The following PRR16 variants were observed in gnomAD, a reference collection of about 807,000 sequenced individuals.
PRR16 encodes the protein proline rich 16, also known as protein Largen.
In PRR16, 6 loss-of-function variants were observed where a neutral mutation model predicts 18.2. The observed-to-expected ratio is 0.33, with a 90% confidence interval of 0.18 to 0.65. The LOEUF (loss-of-function observed/expected upper bound fraction) is 0.65, where lower values mean the gene tolerates loss of function less well. Among genes scored for constraint, PRR16 ranks in the 30% least tolerant of loss-of-function variants. PRR16 has a pLI of 0.74. For missense variants in PRR16, 412 were observed against 376.6 expected (o/e 1.09, Z -0.78); for synonymous variants, 151 against 147.8 (o/e 1.02, Z -0.16).
chr5:120,750,206 C>T, the PRR16 span, among the ~76,000 whole-genome samples: 1 of 151,886 alleles, frequency 6.6e-6, no homozygotes, highest in Non-Finnish European at 1.5e-5. Context: ...TATATTCAGC[C>T]TCAGTCATTT....
intron 1 of PRR16, among the ~76,000 whole-genome samples, chr5:120,677,901 C>CTTTCT (rs1561611483): frequency 2.6e-5 from 2 of 75,906 alleles, no homozygotes; most frequent in Non-Finnish European, 2.6e-5. Context: ...TTTTCTTTTT[C>CTTTCT]TTTCTTTTTT....
chr5:120,686,057 C>T lies in PRR16; in HGVS notation c.263C>T (p.Thr88Ile). 1 of 1,614,118 alleles carries T rather than the reference C, an allele frequency of 6.2e-7. No individual in the cohort carries two copies. Among genetic ancestry groups the T allele is most frequent in the Non-Finnish European group, 8.5e-7 (1 of 1,180,014 alleles). The change falls in exon 2 of 2, where the codon ACA becomes ATA. Residue 88 changes from threonine to isoleucine, a missense_variant. Coordinates refer to ENST00000407149, the MANE Select transcript of PRR16 (RefSeq NM_001300783.2). ...DTLNSSSSGT[T>I]ASSLEKIKVQ... ...CTGAATAGTAGCTCAAGTGGCACAA[C>T]AGCCTCCAGCCTAGAGAAGATCAAA...
At chr5:120,786,568 A>T in the PRR16 span, among the ~76,000 whole-genome samples, 1 of 149,072 alleles carries the variant, frequency 6.7e-6, no homozygotes, top group Non-Finnish European at 1.5e-5. Flanking sequence ...TATTTTATAA[A>T]ATATATTTCA....
intron 1 of PRR16, among the ~76,000 whole-genome samples, chr5:120,558,395 T>A (rs1752480484): frequency 6.6e-6 from 1 of 151,912 alleles, no homozygotes; most frequent in South Asian, 2.1e-4. Context: ...AATTAGAACA[T>A]GTGAATTTGT....
chr5:120,488,200 T>G (rs1371306174), intron 1 of PRR16, among the ~76,000 whole-genome samples: 1 of 152,180 alleles, frequency 6.6e-6, no homozygotes, highest in Non-Finnish European at 1.5e-5. Context: ...TTTCTGTTGA[T>G]TGGAATAGTT....
the PRR16 span, among the ~76,000 whole-genome samples, chr5:120,768,835 T>C: frequency 2.6e-5 from 4 of 151,848 alleles, no homozygotes; most frequent in South Asian, 4.1e-4. Flanking sequence ...CGCTTAGACA[T>C]TGCCTACAGC....
At chr5:120,642,151 C>T (rs1247497937) in intron 1 of PRR16, among the ~76,000 whole-genome samples, 2 of 152,024 alleles carry the variant, frequency 1.3e-5, no homozygotes, top group Non-Finnish European at 2.9e-5. Context: ...GATGAAGACA[C>T]CATTCTCACT....
the PRR16 span, among the ~76,000 whole-genome samples, chr5:120,741,642 C>T: frequency 3.9e-5 from 6 of 152,202 alleles, no homozygotes; most frequent in Middle Eastern, 3.4e-3. Flanking sequence ...CGCTCTGTTG[C>T]CCAGGATGGA....
intron 1 of PRR16, among the ~76,000 whole-genome samples, chr5:120,564,216 G>C (rs553422860): frequency 5.9e-5 from 9 of 152,222 alleles, no homozygotes; most frequent in Non-Finnish European, 1.0e-4. Context: ...CCTTCGGTTG[G>C]GGGAGGGGTG....
intron 1 of PRR16, among the ~76,000 whole-genome samples, chr5:120,485,165 A>G (rs1177681805): frequency 6.6e-6 from 1 of 152,148 alleles, no homozygotes; most frequent in African/African-American, 2.4e-5. Flanking sequence ...ATAATGAAAT[A>G]TTAATTAACT....
chr5:120,566,225 TG>T (rs1252982556), intron 1 of PRR16, among the ~76,000 whole-genome samples: 1 of 152,202 alleles, frequency 6.6e-6, no homozygotes, highest in Non-Finnish European at 1.5e-5. Context: ...CTTGTCTCTG[TG>T]TGATCCCTTC....
intron 1 of PRR16, among the ~76,000 whole-genome samples, chr5:120,497,043 G>C (rs1750269536): frequency 6.6e-6 from 1 of 152,020 alleles, no homozygotes; most frequent in African/African-American, 2.4e-5. Flanking sequence ...TTTCTAATTT[G>C]ATTCTATTGA....
At chr5:120,717,818 C>T in the PRR16 span, among the ~76,000 whole-genome samples, 1 of 152,044 alleles carries the variant, frequency 6.6e-6, no homozygotes, top group African/African-American at 2.4e-5. Flanking sequence ...ATTTGAATGT[C>T]AGAACGAAAA....
intron 1 of PRR16, among the ~76,000 whole-genome samples, chr5:120,556,998 C>T (rs1038428837): frequency 6.6e-6 from 1 of 151,496 alleles, no homozygotes; most frequent in African/African-American, 2.4e-5. Flanking sequence ...AGATTCTCCA[C>T]TATTCATTTC....
At chr5:120,730,674 T>C in the PRR16 span, among the ~76,000 whole-genome samples, 190 of 152,238 alleles carry the variant, frequency 1.2e-3, 3 homozygotes, top group East Asian at 0.033. Context: ...ATTAACTAAC[T>C]TAAGGTAATA....
At chr5:120,563,221 A>T (rs993548109) in intron 1 of PRR16, among the ~76,000 whole-genome samples, 1 of 152,168 alleles carries the variant, frequency 6.6e-6, no homozygotes, top group Non-Finnish European at 1.5e-5. Flanking sequence ...GGGTCTCACC[A>T]AGGCCTGCTG....
At chr5:120,674,978 T>C (rs1017791150) in intron 1 of PRR16, among the ~76,000 whole-genome samples, 3 of 152,282 alleles carry the variant, frequency 2.0e-5, no homozygotes, top group Middle Eastern at 3.4e-3. Context: ...CTGCAGTACA[T>C]TTTCAAGCAT....
intron 1 of PRR16, among the ~76,000 whole-genome samples, chr5:120,670,146 G>C (rs1431227541): frequency 6.6e-6 from 1 of 152,062 alleles, no homozygotes; most frequent in Non-Finnish European, 1.5e-5. Context: ...GTTTTCATAT[G>C]TTCATTGCCT....
intron 1 of PRR16, among the ~76,000 whole-genome samples, chr5:120,603,021 T>G (rs1754036573): frequency 6.6e-6 from 1 of 152,048 alleles, no homozygotes; most frequent in South Asian, 2.1e-4. Context: ...TGGCCTGCAG[T>G]TTCCTTTTTT....
Sources: gnomAD v4.1 joint callset for allele counts (sites outside exome capture counted in the v4.1 genomes callset) on GRCh38, gnomAD v4.1.1 for gene constraint, MANE v1.5 for transcripts, NCBI Gene and HGNC (gene_info 2026-07-23, HGNC 2026-07-21) for gene names.